Variants in CCDC9B observed in about 807,000 individuals in gnomAD.
CCDC9B encodes coiled-coil domain containing 9B, also known as coiled-coil domain-containing protein 9B.
A neutral mutation model predicts 47.2 loss-of-function variants in CCDC9B; 40 were observed. The ratio of observed to expected loss-of-function variants is 0.85; its 90% CI spans 0.66 to 1.10. The LOEUF (loss-of-function observed/expected upper bound fraction) is 1.10, where lower values mean the gene tolerates loss of function less well. Ranked by LOEUF, CCDC9B falls within the 50% of genes least tolerant of loss-of-function variation. CCDC9B has a pLI of 0.00. For missense variants in CCDC9B, 662 were observed against 651.0 expected (o/e 1.02, Z -0.18); for synonymous variants, 238 against 250.7 (o/e 0.95, Z 0.48).
At chr15:40,340,667 G>C in intron 1 of CCDC9B, 141 bp downstream of exon 1, 1 of 739,900 alleles carries the variant, frequency 1.4e-6, no homozygotes, top group Non-Finnish European at 2.1e-6. Flanking sequence ...TCTGGATGCA[G>C]GTTCTCTGTT....
intron 2 of CCDC9B, 64 bp downstream of exon 2, chr15:40,339,841 C>A: frequency 6.9e-7 from 1 of 1,447,422 alleles, no homozygotes; most frequent in Non-Finnish European, 9.7e-7. Context: ...GGGAGACCAC[C>A]ACGTGTGGGG....
chr15:40,337,864 C>A lies in CCDC9B; in HGVS notation c.543G>T (p.Val181=). 1.2e-6 allele frequency: 2 copies of A among 1,604,414 alleles called. No homozygotes were observed. Among genetic ancestry groups the A allele is most frequent in the Non-Finnish European group, 1.7e-6 (2 of 1,176,226 alleles). The change falls in exon 6 of 11, where the codon GTG becomes GTT. Residue 181 remains valine, a synonymous_variant. Transcript: ENST00000397536. ...KGSWEPWSRP[V]GEPPEAGWDY... is the part of the protein sequence containing the mutation. ...CCCAGCCCGCCTCCGGGGGCTCCCC[C>A]ACCGGCCGGCTCCAGGGCTCCCAAG...
rs1889076690 is a variant in CCDC9B at position 40,340,850 on chromosome 15, G to T, written c.-31C>A. ...CGGCGGGCACCGAGAGAATTCCAGA[G>T]CAGCCCCTGGGGAGCCAGAGTGGGA... On this transcript the variant is annotated 5_prime_UTR_variant, in exon 1 of 11. Coordinates refer to ENST00000397536, the MANE Select transcript of CCDC9B (RefSeq NM_207380.3). 4 of 1,609,452 alleles carry T rather than the reference G, an allele frequency of 2.5e-6. No homozygotes were observed. In the African/African-American group the frequency reaches 5.3e-5, roughly 22 times the overall value.
intron 1 of CCDC9B, chr15:40,340,604 G>C (rs2141249985): frequency 1.7e-6 from 1 of 582,536 alleles, no homozygotes; most frequent in South Asian, 2.3e-5. Context: ...CCCAGCCCAG[G>C]AGTCACCCTG....
At chr15:40,338,434 G>T in intron 5 of CCDC9B, 101 bp downstream of exon 5, 2 of 1,386,990 alleles carry the variant, frequency 1.4e-6, no homozygotes, top group Non-Finnish European at 2.0e-6. Context: ...TGCTCCCTTG[G>T]CCACGTCCCC....
Position 40,339,960 on chromosome 15 carries a change from T to A in CCDC9B, c.68A>T (p.Asp23Val), listed in dbSNP as rs1435475456. 1 of 1,613,888 alleles carries A rather than the reference T, an allele frequency of 6.2e-7. No homozygotes were observed. Among genetic ancestry groups the A allele is most frequent in the South Asian group, 1.1e-5 (1 of 91,086 alleles). The change falls in exon 2 of 11, where the codon GAT (aspartate) becomes GTT (valine). Residue 23 changes from aspartate (D) to valine (V), a missense_variant. Asp to Val is a radical substitution (Grantham distance 152). Coordinates refer to ENST00000397536, the MANE Select transcript of CCDC9B (RefSeq NM_207380.3). Reference sequence around the variant, plus strand: ...CTTGCGCAGGGCAACTATCCTCCGATCCAGCTCTGCGTCCTTCTCCTGCCT... The same window carrying A: ...CTTGCGCAGGGCAACTATCCTCCGAACCAGCTCTGCGTCCTTCTCCTGCCT... ...MSRQEKDAEL[D>V]RRIVALRKKN...
At chr15:40,340,605 A>G in intron 1 of CCDC9B, 1 of 579,358 alleles carries the variant, frequency 1.7e-6, no homozygotes, top group Non-Finnish European at 3.0e-6. Context: ...CCAGCCCAGG[A>G]GTCACCCTGG....
At chr15:40,337,159 T>G (rs1888979954) in intron 7 of CCDC9B, 2 of 660,406 alleles carry the variant, frequency 3.0e-6, no homozygotes, top group East Asian at 2.7e-5. Flanking sequence ...CCACTGAGCC[T>G]CCTTCTGGGG....
At position 40,338,612 on chromosome 15, in the gene CCDC9B, T is replaced by C; in HGVS notation, c.436A>G (p.Ile146Val). The change falls in exon 5 of 11, where the codon ATA becomes GTA. Residue 146 changes from isoleucine to valine, a missense_variant. Ile to Val is a conservative substitution (Grantham distance 29). Transcript: ENST00000397536. ...EKPTRARNQGIEGSPGGRVTR... is the reference protein window; with the variant it reads ...EKPTRARNQGVEGSPGGRVTR... ...ACACGCCCTCCAGGTGACCCCTCTA[T>C]GCCTTGGTTCCTTGCTCTGGTAGGC... The C allele has an allele frequency of 6.2e-7, 1 of 1,614,096 alleles. No homozygotes were observed.
rs374988443 is a variant in CCDC9B, at chr15:40,339,911, C to T, written c.117G>A (p.Arg39=). ...CCTGTGGCAGCCCACTCACCTGGTA[C>T]CTGCGGAGCAAGGCCTGGTTCTTCT... ...LRKKNQALLR[R]YQEIQEDRRQ... Residue 39 remains arginine (R), a synonymous_variant, in exon 2 of 11, where the codon AGG becomes AGA. Coordinates refer to ENST00000397536, the MANE Select transcript of CCDC9B (RefSeq NM_207380.3). The T allele has an allele frequency of 1.2e-6, 2 of 1,611,418 alleles. No homozygotes were observed. Among genetic ancestry groups the T allele is most frequent in the Admixed American group, 1.7e-5 (1 of 59,988 alleles).
chr15:40,336,611 C>G lies in CCDC9B; in HGVS notation c.850G>C (p.Ala284Pro), dbSNP rs1479084603. The G allele has an allele frequency of 6.2e-7, 1 of 1,613,004 alleles. No homozygotes were observed. The highest frequency in any genetic ancestry group is 8.5e-7 in the Non-Finnish European group (1 of 1,179,750). The change falls in exon 9 of 11, where the codon GCC becomes CCC. Residue 284 changes from alanine to proline, a missense_variant. Coordinates refer to ENST00000397536, the MANE Select transcript of CCDC9B (RefSeq NM_207380.3). Reference sequence around the variant, plus strand: ...CCAGTCAGCCTCTCCTTGCCCCGGGCTTTGCTGCCTGTGGCTGGTGCCACC... The same window carrying G: ...CCAGTCAGCCTCTCCTTGCCCCGGGGTTTGCTGCCTGTGGCTGGTGCCACC... ...PSVAPATGSKARGKERLTGRA... is the reference protein window; with the variant it reads ...PSVAPATGSKPRGKERLTGRA...
At chr15:40,336,932 C>T in intron 7 of CCDC9B, 119 bp from the exon 8 acceptor site, 1 of 930,292 alleles carries the variant, frequency 1.1e-6, no homozygotes. Flanking sequence ...GTTTTGCCTC[C>T]CCAAAAGCGC....
rs556021390 is a variant in CCDC9B at position 40,340,699 on chromosome 15, T to C, written c.12+109A>G. The C allele has an allele frequency of 2.4e-4, 255 of 1,047,904 alleles. 2 individuals are homozygous for C. The African/African-American group carries it at 3.5e-3, about 14-fold the overall frequency. The allele number at this position is 1,047,904 out of a possible 1,614,324, so 64.9% of individuals were successfully genotyped here. A position where few individuals can be genotyped will look rare whatever the true frequency, so the allele number is the denominator to read the frequency against. On this transcript the variant is annotated intron_variant, in intron 1 of 10. Coordinates refer to ENST00000397536, the MANE Select transcript of CCDC9B (RefSeq NM_207380.3). ...TGTTGTGACCCTAGTCACAGCCTTC[T>C]TCCTCCCAGCCCCAGCTGTCCCCAG...
At chr15:40,338,425 G>T in intron 5 of CCDC9B, 110 bp downstream of exon 5, 2 of 1,267,966 alleles carry the variant, frequency 1.6e-6, no homozygotes, top group East Asian at 2.3e-5. Context: ...TCCTGCATGT[G>T]CTCCCTTGGC....
intron 7 of CCDC9B, 91 bp from the exon 8 acceptor site, chr15:40,336,904 C>T: frequency 1.5e-6 from 2 of 1,339,752 alleles, no homozygotes; most frequent in Non-Finnish European, 2.1e-6. Flanking sequence ...AGCTGTCAGT[C>T]CTCGGGGCCA....
At position 40,340,840 on chromosome 15, in the gene CCDC9B, G is replaced by A. The variant is rs759142649; in HGVS notation, c.-21C>T. 6 of 1,609,358 alleles carry A rather than the reference G, an allele frequency of 3.7e-6. No individual in the cohort carries two copies. Among genetic ancestry groups the A allele is most frequent in the South Asian group, 1.1e-5 (1 of 90,338 alleles). On this transcript the variant is annotated 5_prime_UTR_variant, in exon 1 of 11. Transcript: ENST00000397536. The stretch of plus-strand genomic sequence containing the variant: ...TGCATGGCAACGGCGGGCACCGAGA[G>A]AATTCCAGAGCAGCCCCTGGGGAGC...
chr15:40,336,803 G>A lies in CCDC9B; in HGVS notation c.753C>T (p.Ser251=), dbSNP rs1197093036. The A allele has an allele frequency of 6.3e-7, 1 of 1,593,722 alleles. No individual in the cohort carries two copies. ...ATGGTGGGGGCTGTAGTTTCTGGTGGCTCCTGGGACCTGCGGGGGACAAAA... is the reference window on the plus strand; with the variant it reads ...ATGGTGGGGGCTGTAGTTTCTGGTGACTCCTGGGACCTGCGGGGGACAAAA... ...ARAGSRRGPR[S]HQKLQPPPLL... Residue 251 remains serine, a synonymous_variant, in exon 8 of 11, where the codon AGC becomes AGT. Transcript: ENST00000397536.
At chr15:40,336,419 C>T in intron 9 of CCDC9B, 155 bp downstream of exon 9, 1 of 1,403,588 alleles carries the variant, frequency 7.1e-7, no homozygotes, top group Non-Finnish European at 9.2e-7. Context: ...GCAGCCTCTG[C>T]TAATGGCCTC....
intron 1 of CCDC9B, chr15:40,340,563 C>T (rs1459804846): frequency 1.5e-5 from 8 of 518,316 alleles, no homozygotes; most frequent in South Asian, 2.9e-5. Context: ...TGCTGGTAGT[C>T]GGGGCGGAGA....
Sources: gnomAD v4.1 joint callset for allele counts on GRCh38, gnomAD v4.1.1 for gene constraint, MANE v1.5 for transcripts, NCBI Gene and HGNC (gene_info 2026-07-23, HGNC 2026-07-21) for gene names.